The following ZNF354B variants were observed in gnomAD, a reference collection of about 807,000 sequenced individuals.
The protein encoded by ZNF354B is zinc finger protein 354B.
A neutral mutation model predicts 12.9 loss-of-function variants in ZNF354B; 10 were observed. The ratio of observed to expected loss-of-function variants is 0.77; its 90% CI spans 0.48 to 1.31. The LOEUF (loss-of-function observed/expected upper bound fraction) is 1.31, where lower values mean the gene tolerates loss of function less well. Ranked by LOEUF, ZNF354B falls within the 40% of genes most tolerant of loss-of-function variation. The probability of loss-of-function intolerance (pLI) is 0.00; values close to 1 mark genes in which losing one functional copy is unlikely to be tolerated. For missense variants in ZNF354B, 614 were observed against 711.7 expected (o/e 0.86, Z 1.56); for synonymous variants, 260 against 243.7 (o/e 1.07, Z -0.62).
chr5:178,884,259 G>T lies in ZNF354B; in HGVS notation c.1807G>T (p.Glu603Ter), dbSNP rs77568902. ...LTNHYKIHIE[E>*]DSLKADLHV ...TAATCATTATAAAATTCACATTGAA[G>T]AGGACTCCTTAAAAGCCGATTTGCA... Residue 603 changes from glutamate to a stop codon, truncating the protein, a stop_gained, in exon 5 of 5, where the codon GAG (glutamate) becomes TAG (stop). Coordinates refer to ENST00000322434, the MANE Select transcript of ZNF354B (RefSeq NM_058230.3). LOFTEE classifies it high-confidence loss of function. 4.4e-6 allele frequency: 7 copies of T among 1,601,812 alleles called. No individual in the cohort carries two copies. In the Admixed American group the frequency reaches 1.2e-4, roughly 28 times the overall value.
intron 2 of ZNF354B, among the ~76,000 whole-genome samples, chr5:178,865,725 G>C (rs1160338668): frequency 6.6e-6 from 1 of 152,134 alleles, no homozygotes; most frequent in Non-Finnish European, 1.5e-5. Flanking sequence ...CCCATGTAAA[G>C]CATTCAGTAA....
chr5:178,874,795 G>C (rs1418436760), intron 4 of ZNF354B, among the ~76,000 whole-genome samples: 1 of 152,180 alleles, frequency 6.6e-6, no homozygotes, highest in Non-Finnish European at 1.5e-5. Flanking sequence ...GAGGAAAGAA[G>C]ACACCCTGGG....
At chr5:178,871,157 C>G (rs1046423227) in intron 4 of ZNF354B, among the ~76,000 whole-genome samples, 2 of 152,136 alleles carry the variant, frequency 1.3e-5, no homozygotes, top group African/African-American at 4.8e-5. Context: ...ACAGTATAGC[C>G]CAAAGTCCCC....
In ZNF354B at chr5:178,884,097, C is replaced by T. The variant is rs1757763623; in HGVS notation, c.1645C>T (p.Pro549Ser). The T allele has an allele frequency of 6.2e-7, 1 of 1,613,916 alleles. No homozygotes were observed. Among genetic ancestry groups the T allele is most frequent in the Non-Finnish European group, 8.5e-7 (1 of 1,179,972 alleles). Reference protein sequence around the residue: ...QHQRIHTGEKPFKCNTCGKTF... With the variant: ...QHQRIHTGEKSFKCNTCGKTF... ...TCAGAGGATTCATACAGGAGAAAAA[C>T]CCTTTAAATGTAATACATGTGGAAA... Residue 549 changes from proline to serine, a missense_variant, in exon 5 of 5, where the codon CCC (proline) becomes TCC (serine). Coordinates refer to ENST00000322434, the MANE Select transcript of ZNF354B (RefSeq NM_058230.3).
At position 178,862,362 on chromosome 5, in the gene ZNF354B, C is replaced by CTTTTTT. The variant is rs769224561; in HGVS notation, c.33+1299_33+1304dup. 3.0e-3 allele frequency among the ~76,000 whole-genome samples: 321 copies of CTTTTTT among 105,578 alleles called. 16 individuals are homozygous for CTTTTTT. Among genetic ancestry groups the CTTTTTT allele is most frequent in the African/African-American group, 8.6e-3 (218 of 25,364 alleles). 69.3% of individuals were successfully genotyped at this position (105,578 alleles called of 152,430 possible). On this transcript the variant is annotated intron_variant, in intron 2 of 4. Transcript: ENST00000322434. ...GAGTGCTTCTGCAGCGTGGCATTATCTTTTTTTTTTTTTTTTTTTTTTGAG... is the reference window on the plus strand; with the variant it reads ...GAGTGCTTCTGCAGCGTGGCATTATCTTTTTTTTTTTTTTTTTTTTTTTTTTTTGAG...
At chr5:178,881,925 C>T (rs1333747388) in intron 4 of ZNF354B, among the ~76,000 whole-genome samples, 2 of 152,178 alleles carry the variant, frequency 1.3e-5, no homozygotes, top group Non-Finnish European at 2.9e-5. Context: ...TTTCTCTTTA[C>T]TCATATCTAA....
At chr5:178,867,116 G>C (rs1757474208) in intron 4 of ZNF354B, 45 bp downstream of exon 4, 3 of 1,552,444 alleles carry the variant, frequency 1.9e-6, no homozygotes, top group Non-Finnish European at 2.7e-6. Flanking sequence ...GCAGACAATG[G>C]TCTGGTTAAT....
Position 178,876,383 on chromosome 5 carries a change from G to A in ZNF354B, c.257-6326G>A, listed in dbSNP as rs1437237664. On this transcript the variant is annotated intron_variant, in intron 4 of 4. Coordinates refer to ENST00000322434, the MANE Select transcript of ZNF354B (RefSeq NM_058230.3). ...CCTCCAGAGCCTGAGGGCAACAGCA[G>A]TGAGGGCTGTGGCACAGCAAAAATA... 2.6e-5 allele frequency among the ~76,000 whole-genome samples: 4 copies of A among 152,222 alleles called. No individual in the cohort carries two copies. The South Asian group carries it at 8.3e-4, about 32-fold the overall frequency.
rs778421297 is a variant in ZNF354B at position 178,882,723 on chromosome 5, C to T, written c.271C>T (p.Pro91Ser). ...TCTTTTTTCAGGATGTAAGAGCACA[C>T]CTAAAATGACAAAGTCAACTCAAAC... ...GVSSLGCKST[P>S]KMTKSTQTQD... Residue 91 changes from proline (P) to serine (S), a missense_variant, in exon 5 of 5, where the codon CCT becomes TCT. By Grantham distance (74) the Pro-to-Ser change is moderately conservative (BLOSUM62 -1). Coordinates refer to ENST00000322434, the MANE Select transcript of ZNF354B (RefSeq NM_058230.3). 3 of 1,564,944 alleles carry T rather than the reference C, an allele frequency of 1.9e-6. No individual in the cohort carries two copies. The highest frequency in any genetic ancestry group is 4.5e-5 in the East Asian group (2 of 44,302).
intron 4 of ZNF354B, among the ~76,000 whole-genome samples, chr5:178,876,066 C>T (rs1020821349): frequency 1.3e-5 from 2 of 152,142 alleles, no homozygotes; most frequent in African/African-American, 2.4e-5. Context: ...GTGTAGCGAC[C>T]GGGCCCTGTG....
chr5:178,867,026 G>T lies in ZNF354B; in HGVS notation c.211G>T (p.Asp71Tyr), dbSNP rs2114010923. 6.2e-7 allele frequency: 1 copy of T among 1,613,924 alleles called. No homozygotes were observed. Among genetic ancestry groups the T allele is most frequent in the Non-Finnish European group, 8.5e-7 (1 of 1,179,970 alleles). ...KVISLLQQGE[D>Y]PWEVEKDSSG... ...CATCTCCCTGTTGCAGCAAGGAGAA[G>T]ATCCCTGGGAGGTGGAGAAAGACAG... The change falls in exon 4 of 5, where the codon GAT (aspartate) becomes TAT (tyrosine). Residue 71 changes from aspartate to tyrosine, a missense_variant. Physicochemically the swap from Asp to Tyr is radical, Grantham distance 160 (BLOSUM62 -3). Coordinates refer to ENST00000322434, the MANE Select transcript of ZNF354B (RefSeq NM_058230.3).
At chr5:178,871,840 G>GA (rs2114016712) in intron 4 of ZNF354B, among the ~76,000 whole-genome samples, 1 of 152,342 alleles carries the variant, frequency 6.6e-6, no homozygotes, top group South Asian at 2.1e-4. Context: ...ACTACCACTG[G>GA]AAGGAGATTA....
chr5:178,874,892 G>A (rs959145522), intron 4 of ZNF354B, among the ~76,000 whole-genome samples: 11 of 152,334 alleles, frequency 7.2e-5, no homozygotes, highest in Middle Eastern at 3.4e-3. Context: ...TTTGAGTATA[G>A]TCAGTTGACT....
intron 2 of ZNF354B, among the ~76,000 whole-genome samples, chr5:178,863,789 A>G (rs1457342022): frequency 1.3e-5 from 2 of 152,184 alleles, no homozygotes; most frequent in Non-Finnish European, 2.9e-5. Flanking sequence ...GGTGGAAGAC[A>G]GTGGTGTTGA....
intron 2 of ZNF354B, among the ~76,000 whole-genome samples, chr5:178,861,514 C>T (rs1757347861): frequency 6.6e-6 from 1 of 152,204 alleles, no homozygotes; most frequent in Admixed American, 6.5e-5. Flanking sequence ...TTTTGTCCCT[C>T]TTAACTTTGT....
chr5:178,870,772 GTGACTGCT>G (rs1204815191), intron 4 of ZNF354B, among the ~76,000 whole-genome samples: 2 of 152,304 alleles, frequency 1.3e-5, no homozygotes, highest in South Asian at 4.1e-4. Context: ...GTTTTAAAAA[GTGACTGCT>G]TACAAGATGG....
Position 178,882,951 on chromosome 5 carries a change from T to A in ZNF354B, c.499T>A (p.Phe167Ile), listed in dbSNP as rs749303082. Reference sequence around the variant, plus strand: ...TAAAAATGTTGAATTTGGCCAAAACTTCTACCTGAAATCAGTCTTCATTAA... The same window carrying A: ...TAAAAATGTTGAATTTGGCCAAAACATCTACCTGAAATCAGTCTTCATTAA... ...SHKNVEFGQN[F>I]YLKSVFIKQQ... is the part of the protein sequence containing the mutation. Residue 167 changes from phenylalanine to isoleucine, a missense_variant, in exon 5 of 5, where the codon TTC (phenylalanine) becomes ATC (isoleucine). By Grantham distance (21) the Phe-to-Ile change is conservative. Coordinates refer to ENST00000322434, the MANE Select transcript of ZNF354B (RefSeq NM_058230.3). The A allele has an allele frequency of 1.2e-6, 2 of 1,603,556 alleles. No individual in the cohort carries two copies. The highest frequency in any genetic ancestry group is 1.7e-6 in the Non-Finnish European group (2 of 1,177,492).
At chr5:178,865,631 A>G (rs1054498534) in intron 2 of ZNF354B, among the ~76,000 whole-genome samples, 2 of 152,140 alleles carry the variant, frequency 1.3e-5, no homozygotes, top group African/African-American at 4.8e-5. Flanking sequence ...TGGGAACGAT[A>G]ACTATTTTCT....
At chr5:178,860,285 C>T (rs2114002378) in intron 1 of ZNF354B, among the ~76,000 whole-genome samples, 158 bp downstream of exon 1, 1 of 152,010 alleles carries the variant, frequency 6.6e-6, no homozygotes, top group Admixed American at 6.5e-5. Flanking sequence ...CCTCACGGGC[C>T]GCTCCGGTGC....
Sources: allele counts gnomAD v4.1 joint callset (sites outside exome capture counted in the v4.1 genomes callset), GRCh38; gene constraint gnomAD v4.1.1; transcripts MANE v1.5; gene names NCBI Gene and HGNC (gene_info 2026-07-23, HGNC 2026-07-21).